MEGF9: variants seen among roughly 807,000 people sequenced by gnomAD.
MEGF9 encodes multiple epidermal growth factor-like domains protein 9.
In MEGF9, 6 loss-of-function variants were observed where a neutral mutation model predicts 46.8. That is an observed-to-expected ratio of 0.13 (90% CI 0.07 to 0.25). MEGF9 has a LOEUF of 0.25. MEGF9 is among the 10% of genes least tolerant of loss of function. The pLI is 1.00. For missense variants in MEGF9, 683 were observed against 792.4 expected (o/e 0.86, Z 1.66); for synonymous variants, 302 against 330.7 (o/e 0.91, Z 0.94).
Position 120,714,239 on chromosome 9 carries a change from A to G in MEGF9, c.120T>C (p.Asn40=), listed in dbSNP as rs1348945625. The G allele has an allele frequency of 1.6e-6, 2 of 1,237,068 alleles. No homozygotes were observed. Among genetic ancestry groups the G allele is most frequent in the Non-Finnish European group, 2.0e-6 (2 of 994,216 alleles). 76.6% of individuals were successfully genotyped at this position (1,237,068 alleles called of 1,614,324 possible). The change falls in exon 1 of 6, where the codon AAT becomes AAC. Residue 40 remains asparagine (N), a synonymous_variant. Coordinates refer to ENST00000373930, the MANE Select transcript of MEGF9 (RefSeq NM_001080497.3). ...CCGCGGCCCCGCCGCCACCGGTGAC[A>G]TTCCCCGCCGAGGCGGCTGAGGCGA... ...AAVASAASAG[N]VTGGGGAAGQ...
chr9:120,687,394 T>C (rs932938816), intron 1 of MEGF9, among the ~76,000 whole-genome samples: 3 of 152,284 alleles, frequency 2.0e-5, no homozygotes, highest in East Asian at 1.9e-4. Context: ...AATTGAGACG[T>C]ATTGCTCTAG....
rs560462177 is a variant in MEGF9 at position 120,664,262 on chromosome 9, G to C, written c.602-4687C>G. 9.9e-5 allele frequency among the ~76,000 whole-genome samples: 15 copies of C among 152,128 alleles called. No individual in the cohort carries two copies. The South Asian group carries it at 3.1e-3, about 32-fold the overall frequency. On this transcript the variant is annotated intron_variant, in intron 1 of 5. Coordinates refer to ENST00000373930, the MANE Select transcript of MEGF9 (RefSeq NM_001080497.3). ...CCATCTATCTCATAGAGAATATTTGGTATGTTCTGGTATTCAGCTTGTTTG... is the reference window on the plus strand; with the variant it reads ...CCATCTATCTCATAGAGAATATTTGCTATGTTCTGGTATTCAGCTTGTTTG...
At chr9:120,688,163 A>ACACACACACGCACG (rs2043832197) in intron 1 of MEGF9, among the ~76,000 whole-genome samples, 1 of 145,748 alleles carries the variant, frequency 6.9e-6, no homozygotes, top group Non-Finnish European at 1.5e-5. Flanking sequence ...ACACACACAC[A>ACACACACACGCACG]CACACACGCA....
rs1293160050 is a variant in MEGF9 at position 120,605,904 on chromosome 9, TGGCTCAC to T, written c.1358-270_1358-264del. On this transcript the variant is annotated intron_variant, in intron 5 of 5. Coordinates refer to ENST00000373930, the MANE Select transcript of MEGF9 (RefSeq NM_001080497.3). This position sits in a 1 kb window ranked among gnomAD's most constrained non-coding sequence, Gnocchi z 4.0. Reference sequence around the variant, plus strand: ...ATTAAAATCTTTGGGCCGGGCGTGGTGGCTCACACCTGTAATCCCAGCACTTTGGGCG... The same window carrying T: ...ATTAAAATCTTTGGGCCGGGCGTGGTACCTGTAATCCCAGCACTTTGGGCG... 2.6e-5 allele frequency among the ~76,000 whole-genome samples: 4 copies of T among 152,208 alleles called. No individual in the cohort carries two copies. Among genetic ancestry groups the T allele is most frequent in the African/African-American group, 9.7e-5 (4 of 41,440 alleles).
At position 120,607,669 on chromosome 9, in the gene MEGF9, T is replaced by C. The variant is rs1320673077; in HGVS notation, c.1357+72A>G. ...AAACTCCTCTGGTAGGGTTAGAAGG[T>C]TTTACAAAGCCTTCCATTTTTCACT... On this transcript the variant is annotated intron_variant, in intron 5 of 5. Transcript: ENST00000373930. 5 of 1,514,040 alleles carry C rather than the reference T, an allele frequency of 3.3e-6. No individual in the cohort carries two copies. The East Asian group carries it at 9.1e-5, about 27-fold the overall frequency. 93.8% of individuals were successfully genotyped at this position (1,514,040 alleles called of 1,614,324 possible).
chr9:120,621,596 A>G (rs1242649440), intron 3 of MEGF9, among the ~76,000 whole-genome samples: 1 of 152,190 alleles, frequency 6.6e-6, no homozygotes, highest in East Asian at 1.9e-4. Flanking sequence ...TGAAAATACT[A>G]ACTTTAGTCA....
At chr9:120,650,098 C>G (rs892655345) in intron 2 of MEGF9, among the ~76,000 whole-genome samples, 3 of 152,058 alleles carry the variant, frequency 2.0e-5, no homozygotes, top group African/African-American at 7.2e-5. Flanking sequence ...AATCCCGTCT[C>G]TACTAAAAAT....
At chr9:120,654,129 A>C (rs1424416940) in intron 2 of MEGF9, among the ~76,000 whole-genome samples, 1 of 152,178 alleles carries the variant, frequency 6.6e-6, no homozygotes, top group Admixed American at 6.5e-5. Context: ...GTGAGACAGA[A>C]AACAACCATT....
intron 2 of MEGF9, among the ~76,000 whole-genome samples, chr9:120,639,933 C>A (rs1450711327): frequency 6.6e-6 from 1 of 152,136 alleles, no homozygotes; most frequent in Non-Finnish European, 1.5e-5. Flanking sequence ...GATAAATCCA[C>A]CCTTTATGCC....
At chr9:120,627,269 T>C (rs1186664423) in intron 2 of MEGF9, among the ~76,000 whole-genome samples, 1 of 152,166 alleles carries the variant, frequency 6.6e-6, no homozygotes, top group African/African-American at 2.4e-5. Flanking sequence ...CTGACTTGCT[T>C]TTCTACCAAC....
At position 120,659,584 on chromosome 9, in the gene MEGF9, G is replaced by T; in HGVS notation, c.602-9C>A. 1 of 1,584,598 alleles carries T rather than the reference G, an allele frequency of 6.3e-7. No homozygotes were observed. The highest frequency in any genetic ancestry group is 1.3e-5 in the African/African-American group (1 of 74,106). On this transcript the variant is annotated splice_polypyrimidine_tract_variant and intron_variant, in intron 1 of 5. Coordinates refer to ENST00000373930, the MANE Select transcript of MEGF9 (RefSeq NM_001080497.3). Reference sequence around the variant, plus strand: ...GCAGTTACATACATACTCTGCAAAGGAAAGAAGGAAAGAGACATTACCAAC... The same window carrying T: ...GCAGTTACATACATACTCTGCAAAGTAAAGAAGGAAAGAGACATTACCAAC...
chr9:120,700,976 G>A (rs913553176), intron 1 of MEGF9, among the ~76,000 whole-genome samples: 19 of 151,120 alleles, frequency 1.3e-4, no homozygotes, highest in South Asian at 2.1e-4. Flanking sequence ...AAAATTAGCC[G>A]GGCATGGTGG....
chr9:120,619,961 AAAT>A, intron 3 of MEGF9, among the ~76,000 whole-genome samples: 1 of 151,406 alleles, frequency 6.6e-6, no homozygotes, highest in East Asian at 1.9e-4. Context: ...GCACTGTTGA[AAAT>A]AAAGTCACTT....
chr9:120,641,486 C>G (rs2043602880), intron 2 of MEGF9, among the ~76,000 whole-genome samples: 1 of 152,156 alleles, frequency 6.6e-6, no homozygotes, highest in Admixed American at 6.5e-5. Context: ...AAAAACCCTT[C>G]TTTCTTAGTT....
At position 120,714,259 on chromosome 9, in the gene MEGF9, AGGCGACGGCGGC is replaced by A. The variant is rs1440366568; in HGVS notation, c.88_99del (p.Ala30_Ala33del). 2 of 1,193,962 alleles carry A rather than the reference AGGCGACGGCGGC, an allele frequency of 1.7e-6. No individual in the cohort carries two copies. The highest frequency in any genetic ancestry group is 2.0e-6 in the Non-Finnish European group (2 of 976,284). The allele number at this position is 1,193,962 out of a possible 1,614,324, so 74.0% of individuals were successfully genotyped here. On this transcript the variant is annotated inframe_deletion, in exon 1 of 6. Coordinates refer to ENST00000373930, the MANE Select transcript of MEGF9 (RefSeq NM_001080497.3). ...GTGACATTCCCCGCCGAGGCGGCTGAGGCGACGGCGGCGGCGGCGGCGGCGGCGGCGCAGCAC... is the reference window on the plus strand; with the variant it reads ...GTGACATTCCCCGCCGAGGCGGCTGAGGCGGCGGCGGCGGCGGCGCAGCAC...
intron 2 of MEGF9, among the ~76,000 whole-genome samples, chr9:120,627,230 A>C (rs893576575): frequency 1.1e-4 from 16 of 152,198 alleles, no homozygotes; most frequent in African/African-American, 3.9e-4. Flanking sequence ...GCAAAATCCT[A>C]CATTAGGTGG....
chr9:120,602,660 C>G lies in MEGF9; in HGVS notation c.*2530G>C, dbSNP rs2043402238. The G allele has an allele frequency of 6.6e-6, 1 of 152,010 alleles. No individual in the cohort carries two copies. Among genetic ancestry groups the G allele is most frequent in the Non-Finnish European group, 1.5e-5 (1 of 68,022 alleles). 9.4% of individuals were successfully genotyped at this position (152,010 alleles called of 1,614,324 possible). On this transcript the variant is annotated 3_prime_UTR_variant, in exon 6 of 6. Coordinates refer to ENST00000373930, the MANE Select transcript of MEGF9 (RefSeq NM_001080497.3). ...CTGTTTCAAGGAATTTCTACATGGT[C>G]AAAATCCTCTTAGACTCCAACAAAC...
intron 1 of MEGF9, among the ~76,000 whole-genome samples, chr9:120,711,926 G>T (rs771994458): frequency 2.6e-5 from 4 of 151,450 alleles, no homozygotes; most frequent in African/African-American, 4.9e-5. Context: ...TTCTACACTA[G>T]GAACTGTTGT....
intron 1 of MEGF9, among the ~76,000 whole-genome samples, chr9:120,686,728 A>G (rs753266515): frequency 8.5e-5 from 13 of 152,200 alleles, no homozygotes; most frequent in Non-Finnish European, 1.3e-4. Flanking sequence ...GAATCCAAAC[A>G]CTGGCTCTAA....
Sources: allele counts gnomAD v4.1 joint callset (sites outside exome capture counted in the v4.1 genomes callset), GRCh38; gene constraint gnomAD v4.1.1; non-coding constraint Gnocchi (gnomAD v3.1); transcripts MANE v1.5; gene names NCBI Gene and HGNC (gene_info 2026-07-23, HGNC 2026-07-21).